The following SCN3B variants were observed in gnomAD, a reference collection of about 807,000 sequenced individuals.
SCN3B encodes sodium channel regulatory subunit beta-3.
SCN3B carries 11 observed loss-of-function variants against 25.4 expected under a neutral mutation model. That is an observed-to-expected ratio of 0.43 (90% confidence interval 0.27 to 0.72). SCN3B has a LOEUF of 0.72. Ranked by LOEUF, SCN3B falls within the 30% of genes least tolerant of loss-of-function variation. The probability of loss-of-function intolerance (pLI) is 0.18; values close to 1 mark genes in which losing one functional copy is unlikely to be tolerated. For synonymous variants in SCN3B, 109 were observed against 110.7 expected, an observed-to-expected ratio of 0.99 and a Z score of 0.09; for missense variants, 218 against 278.3, an observed-to-expected ratio of 0.78 and a Z score of 1.54.
rs542187225 is a variant in SCN3B at position 123,643,645 on chromosome 11, G to A, written c.220-974C>T. The stretch of plus-strand genomic sequence containing the variant: ...CATTTCTATGAGACAGCCTTGCTGT[G>A]GATTTCCATGGATGTTTTGCTGTTG... On this transcript the variant is annotated intron_variant, in intron 3 of 6. Transcript: ENST00000299333. Among the ~76,000 whole-genome samples the A allele has an allele frequency of 5.8e-4, 88 of 152,324 alleles. 2 individuals are homozygous for A. In the South Asian group the frequency reaches 0.016, roughly 28 times the overall value.
At chr11:123,643,774 G>A (rs1233764449) in intron 3 of SCN3B, among the ~76,000 whole-genome samples, 1 of 152,244 alleles carries the variant, frequency 6.6e-6, no homozygotes, top group African/African-American at 2.4e-5. Flanking sequence ...GACCAGGCCT[G>A]AAGGCCCTGG....
intron 5 of SCN3B, among the ~76,000 whole-genome samples, chr11:123,637,352 T>C (rs1955740437): frequency 6.6e-6 from 1 of 152,154 alleles, no homozygotes; most frequent in African/African-American, 2.4e-5. Context: ...AGCTCCATGG[T>C]ATAAAGCAAA....
chr11:123,644,532 G>A (rs2137244523), intron 3 of SCN3B, among the ~76,000 whole-genome samples: 1 of 152,250 alleles, frequency 6.6e-6, no homozygotes, highest in East Asian at 1.9e-4. Flanking sequence ...AGCACTTTGG[G>A]AGGCCGAGGT....
Position 123,642,807 on chromosome 11 carries a change from G to T in SCN3B, c.220-136C>A. ...AAGAGAGGGGACAATGCCACCGGGA[G>T]ACCCAGAATGTGGGGGTGGGATGAA... On this transcript the variant is annotated intron_variant, in intron 3 of 6. Coordinates refer to ENST00000299333, the MANE Select transcript of SCN3B (RefSeq NM_001040151.2). The surrounding 1 kb of genome is among the most constrained non-coding windows in gnomAD (Gnocchi z 4.3). The T allele has an allele frequency of 1.4e-6, 1 of 729,462 alleles. No homozygotes were observed. Among genetic ancestry groups the T allele is most frequent in the Non-Finnish European group, 2.4e-6 (1 of 411,342 alleles). 45.2% of individuals were successfully genotyped at this position (729,462 alleles called of 1,614,324 possible).
At chr11:123,646,281 T>C (rs1955852837) in intron 2 of SCN3B, among the ~76,000 whole-genome samples, 1 of 152,216 alleles carries the variant, frequency 6.6e-6, no homozygotes, top group South Asian at 2.1e-4. Context: ...TCATGATATA[T>C]TCTGTTCTTA....
In SCN3B at chr11:123,649,989, C is replaced by A. The variant is rs116850014; in HGVS notation, c.55+3758G>T. ...AAAGTGCCGGGATTACAGACATGAG[C>A]CACAGCACCCAGTCCACCACTGCCC... is the stretch of plus-strand genomic sequence containing the variant. On this transcript the variant is annotated intron_variant, in intron 2 of 6. Coordinates refer to ENST00000299333, the MANE Select transcript of SCN3B (RefSeq NM_001040151.2). Among the ~76,000 whole-genome samples, 970 of 152,286 alleles carry A rather than the reference C, an allele frequency of 6.4e-3. 15 individuals carry two copies. Among genetic ancestry groups the A allele is most frequent in the South Asian group, 0.035 (168 of 4,816 alleles).
At chr11:123,643,619 A>T (rs1955814788) in intron 3 of SCN3B, among the ~76,000 whole-genome samples, 1 of 152,216 alleles carries the variant, frequency 6.6e-6, no homozygotes, top group African/African-American at 2.4e-5. Context: ...ACCATCACAA[A>T]CATTTCTATG....
intron 4 of SCN3B, chr11:123,638,528 G>T: frequency 3.1e-6 from 2 of 642,762 alleles, no homozygotes; most frequent in Non-Finnish European, 2.7e-6. Flanking sequence ...GGAAGAGGGA[G>T]TGGGATGCCT....
chr11:123,632,883 C>G lies in SCN3B; in HGVS notation c.*916G>C, dbSNP rs1487262433. ...AGGCTTATTTCTGCTCCAGTTTATC[C>G]TCTTAAGCCTCTTATTCAGTTGAGC... On this transcript the variant is annotated 3_prime_UTR_variant, in exon 7 of 7. Transcript: ENST00000299333. 3 of 152,226 alleles carry G rather than the reference C, an allele frequency of 2.0e-5. No individual in the cohort carries two copies. The highest frequency in any genetic ancestry group is 2.0e-4 in the Admixed American group (3 of 15,288). 9.4% of individuals were successfully genotyped at this position (152,226 alleles called of 1,614,324 possible).
rs1441710545 is a variant in SCN3B at position 123,653,981 on chromosome 11, G to A, written c.-25-155C>T. On this transcript the variant is annotated intron_variant, in intron 1 of 6. Coordinates refer to ENST00000299333, the MANE Select transcript of SCN3B (RefSeq NM_001040151.2). ...AGGCCCTGGGAGCTTTTGGAGCCGG[G>A]TGGGGGCTTTGGGCCCTAAGCGACC... The A allele has an allele frequency of 8.6e-6, 6 of 697,520 alleles. No individual in the cohort carries two copies. In the East Asian group the frequency reaches 1.6e-4, roughly 19 times the overall value. 43.2% of individuals were successfully genotyped at this position (697,520 alleles called of 1,614,324 possible). A position where few individuals can be genotyped will look rare whatever the true frequency, so the allele number is the denominator to read the frequency against.
intron 5 of SCN3B, among the ~76,000 whole-genome samples, chr11:123,636,692 T>C: frequency 1.3e-5 from 1 of 74,468 alleles, no homozygotes; most frequent in South Asian, 6.5e-4. Flanking sequence ...TTCTCTGTTC[T>C]ATTCTGTTTT....
intron 2 of SCN3B, among the ~76,000 whole-genome samples, chr11:123,646,920 A>G (rs1326310915): frequency 6.6e-6 from 1 of 152,130 alleles, no homozygotes; most frequent in African/African-American, 2.4e-5. Flanking sequence ...GGTGAGGGAG[A>G]TGGTGAAGGA....
chr11:123,651,828 C>G (rs113461117), intron 2 of SCN3B, among the ~76,000 whole-genome samples: 4 of 152,022 alleles, frequency 2.6e-5, no homozygotes, highest in Non-Finnish European at 5.9e-5. Flanking sequence ...TTTTTGGGGT[C>G]GGGGAGGGGA....
At chr11:123,639,886 C>G (rs1264960695) in intron 4 of SCN3B, 1 of 152,088 alleles carries the variant, frequency 6.6e-6, no homozygotes, top group Non-Finnish European at 1.5e-5. Context: ...CAAAAAGGAC[C>G]ATTAAAACAT....
chr11:123,646,270 C>T (rs57004180), intron 2 of SCN3B, among the ~76,000 whole-genome samples: 143 of 152,328 alleles, frequency 9.4e-4, no homozygotes, highest in African/African-American at 3.4e-3. Flanking sequence ...AAGTAACACA[C>T]TCATGATATA....
intron 1 of SCN3B, 163 bp from the exon 2 acceptor site, chr11:123,653,989 T>C (rs1243800229): frequency 1.4e-5 from 9 of 657,664 alleles, no homozygotes; most frequent in African/African-American, 5.4e-5. Context: ...GGGTGGGGGC[T>C]TTGGGCCCTA....
intron 5 of SCN3B, among the ~76,000 whole-genome samples, chr11:123,637,017 T>C (rs1478301946): frequency 6.6e-6 from 1 of 152,154 alleles, no homozygotes; most frequent in Admixed American, 6.6e-5. Context: ...TTATCAAACA[T>C]TTCTAACTGG....
chr11:123,642,417 G>A lies in SCN3B; in HGVS notation c.445+29C>T, dbSNP rs569206517. On this transcript the variant is annotated intron_variant, in intron 4 of 6. Coordinates refer to ENST00000299333, the MANE Select transcript of SCN3B (RefSeq NM_001040151.2). This position sits in a 1 kb window ranked among gnomAD's most constrained non-coding sequence, Gnocchi z 4.3. ...CTTCCCTGTCCACAGAGAGCAGGAC[G>A]CCCTAGAGACCCTGTGCCTCAGCCT... The A allele has an allele frequency of 1.3e-5, 21 of 1,605,864 alleles. 1 individual carries two copies. The highest frequency in any genetic ancestry group is 7.7e-5 in the South Asian group (7 of 90,920).
Position 123,642,719 on chromosome 11 carries a change from A to C in SCN3B, c.220-48T>G, listed in dbSNP as rs1394042475. 4.8e-6 allele frequency: 7 copies of C among 1,448,094 alleles called. No homozygotes were observed. The highest frequency in any genetic ancestry group is 6.8e-6 in the Non-Finnish European group (7 of 1,034,396). 89.7% of individuals were successfully genotyped at this position (1,448,094 alleles called of 1,614,324 possible). On this transcript the variant is annotated intron_variant, in intron 3 of 6. Transcript: ENST00000299333. The surrounding 1 kb of genome is among the most constrained non-coding windows in gnomAD (Gnocchi z 4.3). ...GGGTAGGGCCAGGAAAGGAGATGGC[A>C]GTGGGGGGAAGCCGAGTTAGGGACA... is the stretch of plus-strand genomic sequence containing the variant.
Sources: gnomAD v4.1 joint callset for allele counts (sites outside exome capture counted in the v4.1 genomes callset) on GRCh38, gnomAD v4.1.1 for gene constraint, Gnocchi (gnomAD v3.1) non-coding constraint, MANE v1.5 for transcripts, NCBI Gene and HGNC (gene_info 2026-07-23, HGNC 2026-07-21) for gene names.